The following PTPN20 variants were observed in gnomAD, a reference collection of about 807,000 sequenced individuals.
PTPN20 encodes protein tyrosine phosphatase non-receptor type 20.
Under a neutral mutation model 35.0 loss-of-function variants are expected in PTPN20, and 9 were observed. That is an observed-to-expected ratio of 0.26 (90% CI 0.15 to 0.45). The LOEUF (loss-of-function observed/expected upper bound fraction) is 0.45. Among genes scored for constraint, PTPN20 ranks in the 20% least tolerant of loss-of-function variants. The probability of loss-of-function intolerance (pLI) is 1.00; values close to 1 mark genes in which losing one functional copy is unlikely to be tolerated. For missense variants in PTPN20, 111 were observed against 312.5 expected, an observed-to-expected ratio of 0.36 and a Z score of 4.86; for synonymous variants, 32 against 100.2, an observed-to-expected ratio of 0.32 and a Z score of 4.06.
chr10:46,953,677 C>CT (rs1195868793), intron 5 of PTPN20, among the ~76,000 whole-genome samples: 4 of 138,956 alleles, frequency 2.9e-5, no homozygotes, highest in African/African-American at 6.2e-5. Flanking sequence ...TATAGTTTTT[C>CT]TTTTTTTTGC....
intron 9 of PTPN20, among the ~76,000 whole-genome samples, chr10:46,999,284 C>A (rs1398790013): frequency 6.6e-6 from 1 of 152,188 alleles, no homozygotes; most frequent in Non-Finnish European, 1.5e-5. Flanking sequence ...ACATGTGACT[C>A]TCCAGGCAAG....
chr10:46,992,480 G>A (rs1169022418), intron 9 of PTPN20, among the ~76,000 whole-genome samples: 1 of 152,022 alleles, frequency 6.6e-6, no homozygotes, highest in Admixed American at 6.6e-5. Flanking sequence ...ACCAATCTTT[G>A]AGCTCTGAGA....
downstream of PTPN20, among the ~76,000 whole-genome samples, chr10:47,003,474 C>T (rs2060136583): frequency 6.6e-6 from 1 of 151,978 alleles, no homozygotes; most frequent in South Asian, 2.1e-4. Context: ...ATAGACTCAA[C>T]TCAAAAATAG....
intron 6 of PTPN20, among the ~76,000 whole-genome samples, chr10:46,965,897 C>CTTTT: frequency 4.9e-5 from 1 of 20,488 alleles, no homozygotes. Context: ...CCCCATTTTC[C>CTTTT]TTTTTTTTTT....
intron 5 of PTPN20, among the ~76,000 whole-genome samples, chr10:46,949,664 A>G (rs1361561013): frequency 1.1e-4 from 16 of 142,310 alleles, no homozygotes; most frequent in Non-Finnish European, 3.0e-5. Context: ...TTAAAATAAA[A>G]ATAAGAACAC....
At position 46,924,036 on chromosome 10, in the gene PTPN20, C is replaced by A. The variant is rs1404528515; in HGVS notation, c.-123-8341C>A. On this transcript the variant is annotated intron_variant, in intron 1 of 10. Coordinates refer to ENST00000374339, the MANE Select transcript of PTPN20 (RefSeq NM_001042357.5). Reference sequence around the variant, plus strand: ...AAAGGAATTGACTTTTGCATATTAACTTTGTATTCTGCAACCTTGCTGTAA... The same window carrying A: ...AAAGGAATTGACTTTTGCATATTAAATTTGTATTCTGCAACCTTGCTGTAA... Among the ~76,000 whole-genome samples, 88 of 151,706 alleles carry A rather than the reference C, an allele frequency of 5.8e-4. 2 individuals carry two copies. The highest frequency in any genetic ancestry group is 2.1e-3 in the African/African-American group (87 of 41,116).
chr10:46,954,600 C>CT (rs554181253), intron 5 of PTPN20, among the ~76,000 whole-genome samples: 1,836 of 145,526 alleles, frequency 0.013, 41 homozygotes, highest in African/African-American at 0.047. Flanking sequence ...GATCACCTCT[C>CT]TTTTTTTTCA....
chr10:46,936,469 A>G, intron 2 of PTPN20, among the ~76,000 whole-genome samples: 1 of 152,038 alleles, frequency 6.6e-6, no homozygotes, highest in East Asian at 1.9e-4. Flanking sequence ...TTCATGTCTC[A>G]TTATTTAAGA....
intron 9 of PTPN20, among the ~76,000 whole-genome samples, chr10:46,990,228 C>T (rs1418136179): frequency 6.7e-6 from 1 of 149,364 alleles, no homozygotes; most frequent in African/African-American, 2.4e-5. Context: ...CAAAAATTAG[C>T]CAGGTGTGAT....
intron 9 of PTPN20, among the ~76,000 whole-genome samples, chr10:46,988,961 G>A (rs2057395289): frequency 7.1e-6 from 1 of 141,320 alleles, no homozygotes; most frequent in Admixed American, 7.1e-5. Context: ...TTTGTATCCT[G>A]CAACTGTACT....
intron 2 of PTPN20, among the ~76,000 whole-genome samples, chr10:46,932,823 CA>C (rs2040177256): frequency 7.4e-6 from 1 of 134,588 alleles, no homozygotes; most frequent in Non-Finnish European, 1.6e-5. Context: ...TTGGGAAGTA[CA>C]AAAAAGCACC....
chr10:46,995,004 A>G (rs1411621445), intron 9 of PTPN20, among the ~76,000 whole-genome samples: 11 of 152,156 alleles, frequency 7.2e-5, no homozygotes, highest in Non-Finnish European at 4.4e-5. Context: ...TTGTCTAATA[A>G]ATTTTTGAAT....
rs2033474858 is a variant in PTPN20, at chr10:46,917,527, AT to A, written c.-124+6033del. Among the ~76,000 whole-genome samples the A allele has an allele frequency of 1.4e-5, 2 of 140,008 alleles. 1 individual carries two copies. The highest frequency in any genetic ancestry group is 6.3e-5 in the African/African-American group (2 of 31,652). 91.9% of individuals were successfully genotyped at this position (140,008 alleles called of 152,430 possible). On this transcript the variant is annotated intron_variant, in intron 1 of 10. Coordinates refer to ENST00000374339, the MANE Select transcript of PTPN20 (RefSeq NM_001042357.5). ...TCTACTTGATAATATTTTGTTAAGG[AT>A]TTTTTTGCATATACATTCATGAGGG...
chr10:46,949,346 G>A (rs1432921623), intron 5 of PTPN20, among the ~76,000 whole-genome samples: 1 of 152,222 alleles, frequency 6.6e-6, no homozygotes, highest in African/African-American at 2.4e-5. Flanking sequence ...CCCACATCCA[G>A]CTATCAGCAG....
chr10:46,994,210 C>T (rs1026395612), intron 9 of PTPN20, among the ~76,000 whole-genome samples: 2 of 148,850 alleles, frequency 1.3e-5, no homozygotes, highest in Non-Finnish European at 3.0e-5. Flanking sequence ...TACTTCTTTT[C>T]TCCTGCTACT....
intron 5 of PTPN20, among the ~76,000 whole-genome samples, chr10:46,953,383 C>A (rs1184665285): frequency 7.6e-6 from 1 of 131,340 alleles, no homozygotes; most frequent in Non-Finnish European, 1.6e-5. Context: ...TTCTTTCTTT[C>A]TTTCTTTCTT....
intron 7 of PTPN20, among the ~76,000 whole-genome samples, chr10:46,981,145 C>T (rs1284185189): frequency 1.3e-5 from 2 of 149,370 alleles, no homozygotes; most frequent in Non-Finnish European, 3.0e-5. Context: ...GTGAATAGAT[C>T]TTGCTAGATA....
rs1000734035 is a variant in PTPN20, at chr10:47,000,792, C to T, written c.*51C>T. ...GAAATTACCAAGTGGGTTTGCACCT[C>T]CTCATAAAGAACATGTTTGCACTGT... On this transcript the variant is annotated 3_prime_UTR_variant, in exon 11 of 11. Coordinates refer to ENST00000374339, the MANE Select transcript of PTPN20 (RefSeq NM_001042357.5). 6 of 1,601,144 alleles carry T rather than the reference C, an allele frequency of 3.7e-6. No individual in the cohort carries two copies. In the African/African-American group the frequency reaches 5.4e-5, roughly 14 times the overall value.
intron 9 of PTPN20, among the ~76,000 whole-genome samples, chr10:46,988,970 C>T (rs1440010657): frequency 7.1e-6 from 1 of 140,284 alleles, no homozygotes; most frequent in Non-Finnish European, 1.5e-5. Context: ...TGCAACTGTA[C>T]TGAATTAGTT....
Sources: gnomAD v4.1 joint callset for allele counts (sites outside exome capture counted in the v4.1 genomes callset) on GRCh38, gnomAD v4.1.1 for gene constraint, MANE v1.5 for transcripts, NCBI Gene and HGNC (gene_info 2026-07-23, HGNC 2026-07-21) for gene names.